MOV10L1: variants seen among roughly 807,000 people sequenced by gnomAD.
The protein encoded by MOV10L1 is Mov10 like RNA helicase 1.
MOV10L1 carries 110 observed loss-of-function variants against 143.8 expected under a neutral mutation model. That is an observed-to-expected ratio of 0.76 (90% CI 0.66 to 0.90). The LOEUF is 0.90. Ranked by LOEUF, MOV10L1 falls within the 40% of genes least tolerant of loss-of-function variation. MOV10L1 has a pLI of 0.00. For synonymous variants in MOV10L1, 593 were observed against 581.1 expected, an observed-to-expected ratio of 1.02 and a Z score of -0.29; for missense variants, 1,406 against 1,526.8, an observed-to-expected ratio of 0.92 and a Z score of 1.32.
chr22:50,134,145 G>T, intron 14 of MOV10L1, 80 bp downstream of exon 14: 1 of 1,086,798 alleles, frequency 9.2e-7, no homozygotes, highest in South Asian at 1.5e-5. Context: ...GTGTAAAATA[G>T]TCTCTTCAGT....
intron 3 of MOV10L1, among the ~76,000 whole-genome samples, chr22:50,107,230 G>A (rs940954241): frequency 1.3e-5 from 2 of 150,314 alleles, no homozygotes; most frequent in Admixed American, 6.6e-5. Flanking sequence ...GCCTACCACC[G>A]CTCCCAGCTA....
At position 50,149,610 on chromosome 22, in the gene MOV10L1, T is replaced by C. The variant is rs1362168236; in HGVS notation, c.2628-5T>C. Reference sequence around the variant, plus strand: ...AAATTACCATTTAGAACATCTTTGCTCTAGAGTTGGGCACTTCACTCACGT... The same window carrying C: ...AAATTACCATTTAGAACATCTTTGCCCTAGAGTTGGGCACTTCACTCACGT... On this transcript the variant is annotated splice_region_variant and splice_polypyrimidine_tract_variant and intron_variant, in intron 19 of 26. Transcript: ENST00000262794. The C allele has an allele frequency of 6.2e-7, 1 of 1,614,046 alleles. No individual in the cohort carries two copies. The highest frequency in any genetic ancestry group is 1.7e-5 in the Admixed American group (1 of 59,996).
intron 3 of MOV10L1, among the ~76,000 whole-genome samples, chr22:50,104,318 C>T (rs758004777): frequency 3.9e-5 from 6 of 152,218 alleles, no homozygotes; most frequent in Non-Finnish European, 8.8e-5. Flanking sequence ...TACTCTCCCC[C>T]AGCCTGCCCT....
intron 22 of MOV10L1, among the ~76,000 whole-genome samples, chr22:50,153,944 CAG>C (rs955540540): frequency 1.3e-5 from 2 of 152,178 alleles, no homozygotes; most frequent in African/African-American, 2.4e-5. Flanking sequence ...CCCCGGAGGA[CAG>C]GGGTCCAGGT....
intron 13 of MOV10L1, among the ~76,000 whole-genome samples, chr22:50,130,232 A>G (rs1272175889): frequency 6.6e-6 from 1 of 152,172 alleles, no homozygotes; most frequent in Non-Finnish European, 1.5e-5. Flanking sequence ...CTGAGATCAT[A>G]CTACTGCACT....
At chr22:50,123,628 G>T (rs547409632) in intron 10 of MOV10L1, among the ~76,000 whole-genome samples, 1 of 152,330 alleles carries the variant, frequency 6.6e-6, no homozygotes, top group African/African-American at 2.4e-5. Context: ...TTCCTGAAGT[G>T]TCTCTGTCTG....
intron 14 of MOV10L1, among the ~76,000 whole-genome samples, 179 bp downstream of exon 14, chr22:50,134,244 A>G (rs1483566449): frequency 6.6e-6 from 1 of 152,240 alleles, no homozygotes; most frequent in African/African-American, 2.4e-5. Context: ...AACTTAGTGA[A>G]TAACTAATAA....
intron 5 of MOV10L1, among the ~76,000 whole-genome samples, chr22:50,110,380 C>T (rs1436817592): frequency 4.7e-5 from 7 of 150,358 alleles, no homozygotes; most frequent in Admixed American, 4.6e-4. Flanking sequence ...ACCCAGGAAG[C>T]GGAGCTTGCA....
Position 50,125,528 on chromosome 22 carries a change from A to G in MOV10L1, c.1706A>G (p.Glu569Gly), listed in dbSNP as rs1328995768. Reference protein sequence around the residue: ...LRRNGDLLVLEVPGLAEGRPS... With the variant: ...LRRNGDLLVLGVPGLAEGRPS... ...AGGAATGGGGATCTGCTGGTTCTGG[A>G]GGTCCCAGGGTTGGCCGAAGGGAGG... The change falls in exon 11 of 27, where the codon GAG (glutamate) becomes GGG (glycine). Residue 569 changes from glutamate (E) to glycine (G), a missense_variant. By Grantham distance (98) the Glu-to-Gly change is moderately conservative. Around this residue, in one of 3 missense-constraint regions of MOV10L1, gnomAD observed 1,233 missense variants for 1,351.4 expected, o/e 0.91. Coordinates refer to ENST00000262794, the MANE Select transcript of MOV10L1 (RefSeq NM_018995.3). The G allele has an allele frequency of 1.2e-6, 2 of 1,614,194 alleles. No homozygotes were observed. The highest frequency in any genetic ancestry group is 2.2e-5 in the South Asian group (2 of 91,084).
rs899965529 is a variant in MOV10L1, at chr22:50,159,492, C to T, written c.3217-186C>T. Among the ~76,000 whole-genome samples, 1 of 151,942 alleles carries T rather than the reference C, an allele frequency of 6.6e-6. No homozygotes were observed. The highest frequency in any genetic ancestry group is 1.5e-5 in the Non-Finnish European group (1 of 68,008). On this transcript the variant is annotated intron_variant, in intron 23 of 26. Coordinates refer to ENST00000262794, the MANE Select transcript of MOV10L1 (RefSeq NM_018995.3). The surrounding 1 kb of genome is among the most constrained non-coding windows in gnomAD (Gnocchi z 4.1). Reference sequence around the variant, plus strand: ...TGGCATGCACCCATAATCCCAGCTGCTCAGGAGGCTGAGGCAGGAGAATTG... The same window carrying T: ...TGGCATGCACCCATAATCCCAGCTGTTCAGGAGGCTGAGGCAGGAGAATTG...
chr22:50,157,143 T>C (rs1295365929), intron 22 of MOV10L1, among the ~76,000 whole-genome samples: 1 of 152,220 alleles, frequency 6.6e-6, no homozygotes, highest in African/African-American at 2.4e-5. Flanking sequence ...GTTGGCCATT[T>C]GTATGTCTCC....
chr22:50,129,021 A>G (rs1019056109), intron 13 of MOV10L1, among the ~76,000 whole-genome samples: 3 of 152,148 alleles, frequency 2.0e-5, no homozygotes, highest in Non-Finnish European at 2.9e-5. Flanking sequence ...GTCTGTTGAC[A>G]TCTAAGTAGT....
intron 22 of MOV10L1, among the ~76,000 whole-genome samples, chr22:50,157,761 CAAAA>C (rs35212822): frequency 9.1e-5 from 11 of 120,298 alleles, no homozygotes; most frequent in Non-Finnish European, 1.0e-4. Context: ...GGTCTAATAT[CAAAA>C]AAAAAAAAAA....
intron 4 of MOV10L1, 22 bp downstream of exon 4, chr22:50,108,270 C>G: frequency 6.3e-7 from 1 of 1,591,322 alleles, no homozygotes; most frequent in Non-Finnish European, 8.6e-7. Flanking sequence ...ACTAGTGGCT[C>G]CTCTCTGTGC....
rs2063473769 is a variant in MOV10L1 at position 50,158,127 on chromosome 22, A to G, written c.3137A>G (p.Tyr1046Cys). 1 of 1,614,172 alleles carries G rather than the reference A, an allele frequency of 6.2e-7. No homozygotes were observed. Among genetic ancestry groups the G allele is most frequent in the Non-Finnish European group, 8.5e-7 (1 of 1,180,030 alleles). Reference protein sequence around the residue: ...NPAEAVQVLRYCCLLAHSISS... With the variant: ...NPAEAVQVLRCCCLLAHSISS... ...GCCGAGGCCGTCCAGGTCCTGCGCT[A>G]CTGCTGCCTCCTGGCCCACAGCATC... is the stretch of plus-strand genomic sequence containing the variant. The change falls in exon 23 of 27, where the codon TAC becomes TGC. Residue 1046 changes from tyrosine (Y) to cysteine (C), a missense_variant. Physicochemically the swap from Tyr to Cys is radical, Grantham distance 194. Around this residue, in one of 3 missense-constraint regions of MOV10L1, gnomAD observed 1,233 missense variants for 1,351.4 expected, o/e 0.91. Coordinates refer to ENST00000262794, the MANE Select transcript of MOV10L1 (RefSeq NM_018995.3). This position sits in a 1 kb window ranked among gnomAD's most constrained non-coding sequence, Gnocchi z 5.0.
rs2063004366 is a variant in MOV10L1, at chr22:50,142,084, A to T, written c.2074A>T (p.Arg692Trp). ...TTTTCTGCCTGATAATTTCTAGAAT[A>T]GGAAAACAATGACGGACCAAGCTGA... is the stretch of plus-strand genomic sequence containing the variant. ...SSGQSTSKKN[R>W]KTMTDQAEHG... The change falls in exon 16 of 27, where the codon AGG (arginine) becomes TGG (tryptophan). Residue 692 changes from arginine to tryptophan, a missense_variant. By Grantham distance (101) the Arg-to-Trp change is moderately radical (BLOSUM62 -3). This residue lies in a region of MOV10L1 where 1,233 missense variants were observed against 1,351.4 expected (regional missense o/e 0.91). Coordinates refer to ENST00000262794, the MANE Select transcript of MOV10L1 (RefSeq NM_018995.3). 6.2e-7 allele frequency: 1 copy of T among 1,606,730 alleles called. No individual in the cohort carries two copies. The highest frequency in any genetic ancestry group is 8.5e-7 in the Non-Finnish European group (1 of 1,177,890).
intron 21 of MOV10L1, among the ~76,000 whole-genome samples, chr22:50,151,321 C>G (rs368823076): frequency 1.4e-4 from 21 of 152,318 alleles, no homozygotes; most frequent in African/African-American, 4.8e-4. Flanking sequence ...CCCCAGCACA[C>G]TGAGCTTGGG....
intron 2 of MOV10L1, 97 bp from the exon 3 acceptor site, chr22:50,099,346 T>C: frequency 4.9e-6 from 7 of 1,426,964 alleles, no homozygotes; most frequent in Non-Finnish European, 6.7e-6. Flanking sequence ...GATCTTGGAC[T>C]TGCAGCCCTA....
intron 2 of MOV10L1, among the ~76,000 whole-genome samples, chr22:50,097,281 G>A (rs2062613738): frequency 6.6e-6 from 1 of 151,886 alleles, no homozygotes; most frequent in Non-Finnish European, 1.5e-5. Context: ...CCCAATTTTT[G>A]TATTTTTTGT....
Sources: allele counts gnomAD v4.1 joint callset (sites outside exome capture counted in the v4.1 genomes callset), GRCh38; gene constraint gnomAD v4.1.1; regional missense constraint gnomAD v4.1.1; non-coding constraint Gnocchi (gnomAD v3.1); transcripts MANE v1.5; gene names NCBI Gene and HGNC (gene_info 2026-07-23, HGNC 2026-07-21).